PCDHGB3: variants seen among roughly 807,000 people sequenced by gnomAD.
PCDHGB3 encodes the protein protocadherin gamma subfamily B, 3.
Under a neutral mutation model 59.2 loss-of-function variants are expected in PCDHGB3, and 40 were observed. The ratio of observed to expected loss-of-function variants is 0.68; its 90% CI spans 0.52 to 0.88. PCDHGB3 has a LOEUF of 0.88. PCDHGB3 is among the 40% of genes least tolerant of loss of function. PCDHGB3 has a pLI of 0.00. For synonymous variants in PCDHGB3, 581 were observed against 503.6 expected, an observed-to-expected ratio of 1.15 and a Z score of -2.06; for missense variants, 1,309 against 1,187.9, an observed-to-expected ratio of 1.10 and a Z score of -1.50.
chr5:141,453,791 A>G (rs979646024), intron 1 of PCDHGB3, among the ~76,000 whole-genome samples: 2 of 152,268 alleles, frequency 1.3e-5, no homozygotes, highest in African/African-American at 2.4e-5. Context: ...ATGGTATATT[A>G]ACTTTGAGTA....
Position 141,489,829 on chromosome 5 carries a change from G to T in PCDHGB3, c.2416-4978G>T, listed in dbSNP as rs1445416879. 6.2e-7 allele frequency: 1 copy of T among 1,614,076 alleles called. No individual in the cohort carries two copies. Among genetic ancestry groups the T allele is most frequent in the South Asian group, 1.1e-5 (1 of 91,070 alleles). ...GAAGCCATTCCCAGAGCTGGTGCTA[G>T]AGCAGCAGCTGGATCGTGAAGCCCA... On this transcript the variant is annotated intron_variant, in intron 1 of 3. Coordinates refer to ENST00000576222, the MANE Select transcript of PCDHGB3 (RefSeq NM_018924.5). The surrounding 1 kb of genome is among the most constrained non-coding windows in gnomAD (Gnocchi z 4.5).
chr5:141,398,661 C>A, intron 1 of PCDHGB3: 1 of 1,614,018 alleles, frequency 6.2e-7, no homozygotes, highest in Non-Finnish European at 8.5e-7. Context: ...ACCCAAGTTT[C>A]TCATTAATAA....
chr5:141,407,977 G>A (rs943554200), intron 1 of PCDHGB3: 7 of 747,538 alleles, frequency 9.4e-6, no homozygotes, highest in African/African-American at 8.8e-5. Context: ...TGACGCCGGG[G>A]ATCCGTCAGC....
Position 141,420,095 on chromosome 5 carries a change from G to A in PCDHGB3, c.2415+47286G>A, listed in dbSNP as rs1382286285. 2.5e-6 allele frequency: 4 copies of A among 1,613,882 alleles called. No individual in the cohort carries two copies. Among genetic ancestry groups the A allele is most frequent in the Admixed American group, 1.7e-5 (1 of 60,010 alleles). ...TGTGGGTCCCCCCAACTACAGTGAGGGAACGTTGCCCTATGCCTATAATTT... is the reference window on the plus strand; with the variant it reads ...TGTGGGTCCCCCCAACTACAGTGAGAGAACGTTGCCCTATGCCTATAATTT... On this transcript the variant is annotated intron_variant, in intron 1 of 3. Coordinates refer to ENST00000576222, the MANE Select transcript of PCDHGB3 (RefSeq NM_018924.5).
intron 2 of PCDHGB3, among the ~76,000 whole-genome samples, chr5:141,503,950 C>T (rs1216385793): frequency 3.3e-5 from 5 of 152,180 alleles, no homozygotes; most frequent in Non-Finnish European, 7.3e-5. Flanking sequence ...CAAGGCCTAC[C>T]CTACAGCCTT....
In PCDHGB3 at chr5:141,432,476, A is replaced by C; in HGVS notation, c.2415+59667A>C. 6.2e-7 allele frequency: 1 copy of C among 1,614,080 alleles called. No homozygotes were observed. The highest frequency in any genetic ancestry group is 8.5e-7 in the Non-Finnish European group (1 of 1,180,012). Reference sequence around the variant, plus strand: ...CCCCGCCCTCCCCACGGACGGTTCCACTGGCGTGGAGCTGGCTCCCCGCTC... The same window carrying C: ...CCCCGCCCTCCCCACGGACGGTTCCCCTGGCGTGGAGCTGGCTCCCCGCTC... On this transcript the variant is annotated intron_variant, in intron 1 of 3. Transcript: ENST00000576222. The surrounding 1 kb of genome is among the most constrained non-coding windows in gnomAD (Gnocchi z 6.0).
intron 1 of PCDHGB3, chr5:141,416,744 A>G (rs1480936949): frequency 2.0e-5 from 3 of 152,210 alleles, no homozygotes; most frequent in Non-Finnish European, 4.4e-5. Context: ...GAAAATAGTG[A>G]CGTATTAGGT....
chr5:141,394,406 G>A (rs1359061127), intron 1 of PCDHGB3: 1 of 1,614,180 alleles, frequency 6.2e-7, no homozygotes, highest in South Asian at 1.1e-5. Flanking sequence ...TGCAGCTACT[G>A]GTAACAGCCA....
chr5:141,477,189 A>G lies in PCDHGB3; in HGVS notation c.2416-17618A>G, dbSNP rs377372902. ...CCGGAGATCACAGTCACCTCCGTGT[A>G]CAGCCCAGTACCCGAGGATGCCCCT... On this transcript the variant is annotated intron_variant, in intron 1 of 3. Coordinates refer to ENST00000576222, the MANE Select transcript of PCDHGB3 (RefSeq NM_018924.5). The surrounding 1 kb of genome is among the most constrained non-coding windows in gnomAD (Gnocchi z 4.9). 6.2e-7 allele frequency: 1 copy of G among 1,614,070 alleles called. No homozygotes were observed. The highest frequency in any genetic ancestry group is 8.5e-7 in the Non-Finnish European group (1 of 1,180,040).
chr5:141,373,908 A>C, intron 1 of PCDHGB3: 1 of 621,550 alleles, frequency 1.6e-6, no homozygotes, highest in Non-Finnish European at 2.6e-6. Flanking sequence ...ATCCTCCAAC[A>C]ACAAAGCAAA....
At chr5:141,398,657 G>C in intron 1 of PCDHGB3, 1 of 1,614,018 alleles carries the variant, frequency 6.2e-7, no homozygotes, top group African/African-American at 1.3e-5. Flanking sequence ...CTTAACCCAA[G>C]TTTCTCATTA....
intron 1 of PCDHGB3, chr5:141,383,745 G>A: frequency 6.2e-7 from 1 of 1,613,954 alleles, no homozygotes; most frequent in Non-Finnish European, 8.5e-7. Context: ...ATTCTTTTCG[G>A]AAAATAACTC....
intron 1 of PCDHGB3, among the ~76,000 whole-genome samples, chr5:141,457,190 G>A (rs2098913282): frequency 6.6e-6 from 1 of 152,200 alleles, no homozygotes; most frequent in African/African-American, 2.4e-5. Context: ...GTAGAGTGAG[G>A]AAAGCAGTTC....
At chr5:141,482,956 CCAGCTACTTGAG>C (rs6149271) in intron 1 of PCDHGB3, among the ~76,000 whole-genome samples, 62,216 of 151,640 alleles carry the variant, frequency 0.41, 15,336 homozygotes, top group African/African-American at 0.7. Context: ...GCCTGTAATT[CCAGCTACTTGAG>C]CAGCTACTTG....
Position 141,486,558 on chromosome 5 carries a change from T to C in PCDHGB3, c.2416-8249T>C, listed in dbSNP as rs544575797. 1 of 1,614,034 alleles carries C rather than the reference T, an allele frequency of 6.2e-7. No homozygotes were observed. Among genetic ancestry groups the C allele is most frequent in the Non-Finnish European group, 8.5e-7 (1 of 1,180,012 alleles). ...TCTTTCTTTCAGAGGTCACATGAGG[T>C]GTTTGTTCCTGAGAACAATCGCCCA... On this transcript the variant is annotated intron_variant, in intron 1 of 3. Coordinates refer to ENST00000576222, the MANE Select transcript of PCDHGB3 (RefSeq NM_018924.5). This position sits in a 1 kb window ranked among gnomAD's most constrained non-coding sequence, Gnocchi z 5.0.
chr5:141,470,147 T>A (rs1394329530), intron 1 of PCDHGB3, among the ~76,000 whole-genome samples: 1 of 152,172 alleles, frequency 6.6e-6, no homozygotes. Context: ...AGATCATAGA[T>A]CATCTTATCA....
chr5:141,485,625 G>C lies in PCDHGB3; in HGVS notation c.2416-9182G>C. On this transcript the variant is annotated intron_variant, in intron 1 of 3. Transcript: ENST00000576222. This position sits in a 1 kb window ranked among gnomAD's most constrained non-coding sequence, Gnocchi z 5.7. ...GGGGAGGCAGCTCCTCCAGGACAGC[G>C]TTTCCCGTTGGAAAAGGCTCAGGAT... The C allele has an allele frequency of 6.2e-7, 1 of 1,611,968 alleles. No individual in the cohort carries two copies. Among genetic ancestry groups the C allele is most frequent in the Non-Finnish European group, 8.5e-7 (1 of 1,178,504 alleles).
At chr5:141,448,663 G>A (rs1195703194) in intron 1 of PCDHGB3, among the ~76,000 whole-genome samples, 3 of 151,920 alleles carry the variant, frequency 2.0e-5, no homozygotes, top group African/African-American at 7.3e-5. Flanking sequence ...CATATTGGCC[G>A]GGCGCGGTGG....
Position 141,430,120 on chromosome 5 carries a change from G to A in PCDHGB3, c.2415+57311G>A, listed in dbSNP as rs73280905. Among the ~76,000 whole-genome samples, 1,257 of 152,134 alleles carry A rather than the reference G, an allele frequency of 8.3e-3. 17 individuals are homozygous for A. Among genetic ancestry groups the A allele is most frequent in the African/African-American group, 0.029 (1,193 of 41,506 alleles). Reference sequence around the variant, plus strand: ...TTAAGCGTTACATGTCAACAACCTGGTAAAGTAATCCTTCCATTCAGGATC... The same window carrying A: ...TTAAGCGTTACATGTCAACAACCTGATAAAGTAATCCTTCCATTCAGGATC... On this transcript the variant is annotated intron_variant, in intron 1 of 3. Coordinates refer to ENST00000576222, the MANE Select transcript of PCDHGB3 (RefSeq NM_018924.5).
Sources: allele counts gnomAD v4.1 joint callset (sites outside exome capture counted in the v4.1 genomes callset), GRCh38; gene constraint gnomAD v4.1.1; non-coding constraint Gnocchi (gnomAD v3.1); transcripts MANE v1.5; gene names NCBI Gene and HGNC (gene_info 2026-07-23, HGNC 2026-07-21).